LDLRAD4: variants seen among roughly 807,000 people sequenced by gnomAD.
LDLRAD4 encodes the protein low-density lipoprotein receptor class A domain-containing protein 4.
Under a neutral mutation model 17.0 loss-of-function variants are expected in LDLRAD4, and 5 were observed. That is an observed-to-expected ratio of 0.29 (90% CI 0.15 to 0.62). The LOEUF (loss-of-function observed/expected upper bound fraction) is 0.62. LDLRAD4 is among the 20% of genes least tolerant of loss of function. The pLI is 0.84. For missense variants in LDLRAD4, 340 were observed against 424.7 expected (o/e 0.80, Z 1.75); for synonymous variants, 168 against 171.8 (o/e 0.98, Z 0.17).
At chr18:13,345,641 A>C (rs1568031246) in intron 1 of LDLRAD4, among the ~76,000 whole-genome samples, 1 of 152,188 alleles carries the variant, frequency 6.6e-6, no homozygotes, top group African/African-American at 2.4e-5. Context: ...TGATTGGAAT[A>C]GTTTCAGAAG....
At chr18:13,523,428 A>G (rs928171654) in intron 3 of LDLRAD4, among the ~76,000 whole-genome samples, 14 of 152,200 alleles carry the variant, frequency 9.2e-5, no homozygotes, top group Admixed American at 2.0e-4. Context: ...CAGCCCTGCA[A>G]TAGCAAGGGA....
intron 2 of LDLRAD4, among the ~76,000 whole-genome samples, chr18:13,391,682 G>GAAT (rs10665899): frequency 0.61 from 91,934 of 151,696 alleles, 28,356 homozygotes; most frequent in Non-Finnish European, 0.67. Context: ...AGAGTCAAAA[G>GAAT]AAAAATAATT....
chr18:13,360,026 C>T (rs140864249), intron 1 of LDLRAD4, among the ~76,000 whole-genome samples: 81 of 152,254 alleles, frequency 5.3e-4, no homozygotes, highest in African/African-American at 1.7e-3. Context: ...TCAGATGGAG[C>T]ACAGAGACTG....
exon 6 of LDLRAD4, chr18:13,646,823 C>G (rs1249256323): frequency 6.6e-6 from 1 of 152,612 alleles, no homozygotes; most frequent in Admixed American, 6.5e-5. Flanking sequence ...TAGTTCAGTT[C>G]TGCAGGGCTG....
chr18:13,367,862 A>G lies in LDLRAD4; in HGVS notation c.-382-19479A>G, dbSNP rs560824428. Among the ~76,000 whole-genome samples, 1 of 151,458 alleles carries G rather than the reference A, an allele frequency of 6.6e-6. No individual in the cohort carries two copies. The highest frequency in any genetic ancestry group is 2.4e-5 in the African/African-American group (1 of 41,258). ...GTGGGGGTGTGCTATCAAGGGGTGT[A>G]TCGAGAGGGGACGACTGGGCATGGG... On this transcript the variant is annotated intron_variant, in intron 1 of 5. Coordinates refer to ENST00000359446, the Ensembl canonical transcript of LDLRAD4. This position sits in a 1 kb window ranked among gnomAD's most constrained non-coding sequence, Gnocchi z 4.1.
intron 1 of LDLRAD4, among the ~76,000 whole-genome samples, chr18:13,295,834 T>C (rs2046241408): frequency 6.6e-6 from 1 of 152,238 alleles, no homozygotes; most frequent in Non-Finnish European, 1.5e-5. Context: ...TTAATGTTTG[T>C]ACAAAAAGAA....
At chr18:13,358,301 T>C (rs1211342447) in intron 1 of LDLRAD4, among the ~76,000 whole-genome samples, 2 of 152,132 alleles carry the variant, frequency 1.3e-5, no homozygotes, top group African/African-American at 4.8e-5. Flanking sequence ...TATCTATCTG[T>C]TTATCGATAT....
intron 3 of LDLRAD4, among the ~76,000 whole-genome samples, chr18:13,565,592 G>C (rs1394929352): frequency 6.6e-6 from 1 of 152,244 alleles, no homozygotes; most frequent in Non-Finnish European, 1.5e-5. Context: ...AGCCAGCCCA[G>C]CTGTACTGAA....
chr18:13,312,475 G>A (rs955973932), intron 1 of LDLRAD4, among the ~76,000 whole-genome samples: 11 of 152,268 alleles, frequency 7.2e-5, no homozygotes, highest in South Asian at 6.2e-4. Context: ...AGGGCCAGGC[G>A]CAGTGGCTCA....
intron 3 of LDLRAD4, among the ~76,000 whole-genome samples, chr18:13,467,843 A>T (rs1443743407): frequency 4.6e-5 from 7 of 152,220 alleles, no homozygotes; most frequent in Non-Finnish European, 2.9e-5. Flanking sequence ...CTATGGCTGG[A>T]TGATTGGATG....
chr18:13,496,125 C>T (rs546493911), intron 3 of LDLRAD4, among the ~76,000 whole-genome samples: 64 of 152,246 alleles, frequency 4.2e-4, no homozygotes, highest in African/African-American at 1.5e-3. Flanking sequence ...CCATGGGTAC[C>T]AGTGAGGGCA....
At chr18:13,380,176 C>T (rs1364858059) in intron 1 of LDLRAD4, among the ~76,000 whole-genome samples, 2 of 152,238 alleles carry the variant, frequency 1.3e-5, no homozygotes, top group East Asian at 3.8e-4. Flanking sequence ...GATCATCTGC[C>T]CCTGGGCCAA....
At chr18:13,646,425 A>C (rs1236422365) in exon 6 of LDLRAD4, 1 of 152,360 alleles carries the variant, frequency 6.6e-6, no homozygotes, top group Non-Finnish European at 1.5e-5. Flanking sequence ...CAAAAAAGTC[A>C]TTATTGTTGC....
At chr18:13,477,434 C>T (rs2092969550) in intron 3 of LDLRAD4, among the ~76,000 whole-genome samples, 1 of 152,164 alleles carries the variant, frequency 6.6e-6, no homozygotes, top group Non-Finnish European at 1.5e-5. Context: ...TAGAAGAGCC[C>T]TCCCACCTGC....
At chr18:13,248,029 T>C (rs2043049572) in intron 1 of LDLRAD4, among the ~76,000 whole-genome samples, 1 of 149,662 alleles carries the variant, frequency 6.7e-6, no homozygotes, top group South Asian at 2.2e-4. Context: ...GGCACGATCT[T>C]GGCTCACTGC....
intron 1 of LDLRAD4, among the ~76,000 whole-genome samples, chr18:13,373,913 T>C (rs2084700024): frequency 1.3e-5 from 2 of 152,248 alleles, no homozygotes; most frequent in Admixed American, 1.3e-4. Flanking sequence ...TCTTTTAAAA[T>C]GACACGTGTA....
chr18:13,463,826 C>A (rs922727603), intron 3 of LDLRAD4, among the ~76,000 whole-genome samples: 1 of 152,112 alleles, frequency 6.6e-6, no homozygotes, highest in Admixed American at 6.5e-5. Context: ...AGAAAAGGAC[C>A]CAAGATTGCT....
At chr18:13,588,316 C>T (rs2094961985) in intron 3 of LDLRAD4, among the ~76,000 whole-genome samples, 4 of 152,150 alleles carry the variant, frequency 2.6e-5, no homozygotes, top group Admixed American at 1.3e-4. Context: ...TCTTGAACCT[C>T]TCTATTCTGA....
chr18:13,549,093 C>T (rs1459919423), intron 3 of LDLRAD4, among the ~76,000 whole-genome samples: 1 of 152,146 alleles, frequency 6.6e-6, no homozygotes, highest in African/African-American at 2.4e-5. Flanking sequence ...GTGTGTGCCT[C>T]ACAAAGTCAT....
Sources: allele counts gnomAD v4.1 joint callset (sites outside exome capture counted in the v4.1 genomes callset), GRCh38; gene constraint gnomAD v4.1.1; non-coding constraint Gnocchi (gnomAD v3.1); transcripts MANE v1.5; gene names NCBI Gene and HGNC (gene_info 2026-07-23, HGNC 2026-07-21).